The following NOX4 variants were observed in gnomAD, a reference collection of about 807,000 sequenced individuals.
The protein encoded by NOX4 is kidney oxidase-1.
A neutral mutation model predicts 87.6 loss-of-function variants in NOX4; 69 were observed. That is an observed-to-expected ratio of 0.79 (90% CI 0.65 to 0.96). NOX4 has a LOEUF of 0.96. Ranked by LOEUF, NOX4 falls within the 40% of genes least tolerant of loss-of-function variation. The pLI is 0.00. For missense variants in NOX4, 680 were observed against 681.5 expected (o/e 1.00, Z 0.02); for synonymous variants, 275 against 238.2 (o/e 1.15, Z -1.42).
chr11:89,579,943 G>A, the NOX4 span, among the ~76,000 whole-genome samples: 5 of 151,690 alleles, frequency 3.3e-5, no homozygotes, highest in Admixed American at 6.6e-5. Context: ...TAGAAGATAT[G>A]TAAATTGATT....
chr11:89,562,244 T>C, the NOX4 span, among the ~76,000 whole-genome samples: 2 of 152,062 alleles, frequency 1.3e-5, no homozygotes, highest in African/African-American at 2.4e-5. Flanking sequence ...ACATGAGATA[T>C]AGAAATTAAA....
At chr11:89,396,411 C>T (rs943851058) in intron 11 of NOX4, among the ~76,000 whole-genome samples, 96 of 152,122 alleles carry the variant, frequency 6.3e-4, no homozygotes, top group African/African-American at 9.6e-4. Context: ...TGGGCTGAGA[C>T]GATGGGGTTT....
At chr11:89,386,350 C>G (rs1243787615) in intron 11 of NOX4, among the ~76,000 whole-genome samples, 1 of 152,200 alleles carries the variant, frequency 6.6e-6, no homozygotes, top group East Asian at 1.9e-4. Flanking sequence ...CCAGTTTACA[C>G]TTTTCCTTCA....
At chr11:89,501,075 A>G (rs480492), upstream of NOX4, among the ~76,000 whole-genome samples, 131,517 of 151,992 alleles carry the variant, frequency 0.87, 57,268 homozygotes, top group Non-Finnish European at 0.92. Context: ...TAGCCCTAGG[A>G]GAACAGGATT....
At chr11:89,475,878 C>G (rs543542294) in intron 2 of NOX4, among the ~76,000 whole-genome samples, 2 of 152,010 alleles carry the variant, frequency 1.3e-5, no homozygotes, top group African/African-American at 4.8e-5. Context: ...ACCTCTGGTT[C>G]GCTGGTGATA....
At chr11:89,463,852 T>C (rs1268100785) in intron 2 of NOX4, among the ~76,000 whole-genome samples, 1 of 151,988 alleles carries the variant, frequency 6.6e-6, no homozygotes, top group African/African-American at 2.4e-5. Context: ...ATCAGTGAAA[T>C]AATTATCATT....
chr11:89,441,888 G>A (rs564005469), intron 5 of NOX4, among the ~76,000 whole-genome samples: 6 of 149,114 alleles, frequency 4.0e-5, no homozygotes, highest in African/African-American at 9.8e-5. Context: ...GAACAATAGG[G>A]TATATTGGCA....
At chr11:89,353,234 G>A (rs973525960) in intron 13 of NOX4, among the ~76,000 whole-genome samples, 1 of 152,212 alleles carries the variant, frequency 6.6e-6, no homozygotes, top group Non-Finnish European at 1.5e-5. Flanking sequence ...TAAGCTGTGG[G>A]TAAAATGCTA....
chr11:89,435,971 T>G (rs1236724659), intron 6 of NOX4, among the ~76,000 whole-genome samples: 1 of 152,078 alleles, frequency 6.6e-6, no homozygotes, highest in Non-Finnish European at 1.5e-5. Flanking sequence ...AACTTACAAT[T>G]AGCAAGGGCA....
At chr11:89,381,178 A>G (rs1940258882) in intron 11 of NOX4, among the ~76,000 whole-genome samples, 1 of 152,196 alleles carries the variant, frequency 6.6e-6, no homozygotes, top group Admixed American at 6.5e-5. Context: ...GTAAAAGTAC[A>G]GACAATAACA....
the NOX4 span, among the ~76,000 whole-genome samples, chr11:89,565,252 T>C: frequency 6.6e-6 from 1 of 152,092 alleles, no homozygotes. Flanking sequence ...TTTTTTGATA[T>C]ATGATATATC....
intron 11 of NOX4, among the ~76,000 whole-genome samples, chr11:89,380,101 A>C (rs1314036574): frequency 6.6e-6 from 1 of 152,238 alleles, no homozygotes; most frequent in Non-Finnish European, 1.5e-5. Flanking sequence ...AACTTGGGAC[A>C]TGAAGCATAT....
chr11:89,348,908 T>C (rs925224618), intron 13 of NOX4, among the ~76,000 whole-genome samples: 24 of 152,288 alleles, frequency 1.6e-4, no homozygotes, highest in Non-Finnish European at 2.4e-4. Flanking sequence ...ACCTAACTTA[T>C]AGAGGAATAG....
chr11:89,474,638 T>G (rs1946090507), intron 2 of NOX4, among the ~76,000 whole-genome samples: 1 of 152,016 alleles, frequency 6.6e-6, no homozygotes, highest in Non-Finnish European at 1.5e-5. Context: ...AATATGCACA[T>G]GTATATATGT....
chr11:89,459,842 C>T lies in NOX4; in HGVS notation c.154-7947G>A, dbSNP rs1430729644. Among the ~76,000 whole-genome samples the T allele has an allele frequency of 7.0e-4, 106 of 152,200 alleles. 3 individuals carry two copies. The highest frequency in any genetic ancestry group is 6.8e-3 in the Middle Eastern group (2 of 294). ...GTTCATATGGAACCAAAAAAGAGCC[C>T]ACAATTCCAAGTCAATCCTAAGCCA... On this transcript the variant is annotated intron_variant, in intron 2 of 17. Transcript: ENST00000263317.
At position 89,476,862 on chromosome 11, in the gene NOX4, T is replaced by C. The variant is rs79513442; in HGVS notation, c.153+13596A>G. The stretch of plus-strand genomic sequence containing the variant: ...AAAATATAATAACAGATGAGAAAAA[T>C]TAGGAAACTAAATAAGTCCTATGAT... On this transcript the variant is annotated intron_variant, in intron 2 of 17. Transcript: ENST00000263317. 1.3e-4 allele frequency among the ~76,000 whole-genome samples: 20 copies of C among 152,082 alleles called. No individual in the cohort carries two copies. In the East Asian group the frequency reaches 3.7e-3, roughly 28 times the overall value.
At chr11:89,489,908 G>GA (rs551533610) in intron 2 of NOX4, among the ~76,000 whole-genome samples, 86 of 152,174 alleles carry the variant, frequency 5.7e-4, no homozygotes, top group Admixed American at 1.3e-3. Context: ...AAATAAATCA[G>GA]AAAAAAGTTT....
the NOX4 span, among the ~76,000 whole-genome samples, chr11:89,520,023 G>C: frequency 2.0e-5 from 3 of 151,928 alleles, no homozygotes; most frequent in African/African-American, 7.2e-5. Context: ...CAATTACTAT[G>C]AAGTGTAAAA....
chr11:89,340,057 T>C lies in NOX4; in HGVS notation c.1446+6A>G, dbSNP rs1590961125. 1.3e-6 allele frequency: 2 copies of C among 1,494,028 alleles called. No homozygotes were observed. Among genetic ancestry groups the C allele is most frequent in the East Asian group, 2.5e-5 (1 of 40,130 alleles). 92.5% of individuals were successfully genotyped at this position (1,494,028 alleles called of 1,614,324 possible). ...ATTGCAAAACTAGAACCAACCCTAA[T>C]GTTACCTTGTTATGCAACATACAGA... On this transcript the variant is annotated splice_donor_region_variant and intron_variant, in intron 15 of 17. Coordinates refer to ENST00000263317, the MANE Select transcript of NOX4 (RefSeq NM_016931.5).
Sources: allele counts gnomAD v4.1 joint callset (sites outside exome capture counted in the v4.1 genomes callset), GRCh38; gene constraint gnomAD v4.1.1; transcripts MANE v1.5; gene names NCBI Gene and HGNC (gene_info 2026-07-23, HGNC 2026-07-21).